Variants in GTF2B observed in about 807,000 individuals in gnomAD.
GTF2B encodes transcription initiation factor IIB.
GTF2B carries 20 observed loss-of-function variants against 34.6 expected under a neutral mutation model. The ratio of observed to expected loss-of-function variants is 0.58; its 90% CI spans 0.41 to 0.84. The LOEUF (loss-of-function observed/expected upper bound fraction) is 0.84, where lower values mean the gene tolerates loss of function less well. GTF2B is among the 40% of genes least tolerant of loss of function. The pLI is 0.00. For synonymous variants in GTF2B, 142 were observed against 132.4 expected (o/e 1.07, Z -0.50); for missense variants, 237 against 393.3 (o/e 0.60, Z 3.36).
chr1:88,874,321 T>C (rs1037757506), intron 2 of GTF2B, among the ~76,000 whole-genome samples: 1 of 151,830 alleles, frequency 6.6e-6, no homozygotes, highest in African/African-American at 2.4e-5. Flanking sequence ...AAAATTTTGT[T>C]TTATTTTTTG....
chr1:88,885,991 G>A lies in GTF2B; in HGVS notation c.124+1270C>T, dbSNP rs187145808. ...AGCCAGTCTTCTAGACTACCTAAACGTCAGTTTCCTTATCTGTAAAATGAA... is the reference window on the plus strand; with the variant it reads ...AGCCAGTCTTCTAGACTACCTAAACATCAGTTTCCTTATCTGTAAAATGAA... On this transcript the variant is annotated intron_variant, in intron 2 of 6. Transcript: ENST00000370500. Among the ~76,000 whole-genome samples the A allele has an allele frequency of 3.4e-3, 520 of 152,082 alleles. 4 individuals carry two copies. The highest frequency in any genetic ancestry group is 0.012 in the African/African-American group (500 of 41,492).
At chr1:88,873,081 T>A (rs1673735449) in intron 2 of GTF2B, among the ~76,000 whole-genome samples, 1 of 151,318 alleles carries the variant, frequency 6.6e-6, no homozygotes, top group South Asian at 2.1e-4. Flanking sequence ...TCTTCCAACA[T>A]CACTAACACC....
intron 2 of GTF2B, 81 bp from the exon 3 acceptor site, chr1:88,864,195 AT>A: frequency 7.8e-7 from 1 of 1,280,798 alleles, no homozygotes; most frequent in Non-Finnish European, 1.1e-6. Context: ...CAACTAAGCC[AT>A]TTTATTCCCA....
chr1:88,881,054 T>C (rs1037597630), intron 2 of GTF2B, among the ~76,000 whole-genome samples: 2 of 144,658 alleles, frequency 1.4e-5, no homozygotes, highest in African/African-American at 5.2e-5. Context: ...GTACAATTGG[T>C]CAGACATGCC....
intron 1 of GTF2B, among the ~76,000 whole-genome samples, chr1:88,889,595 C>T (rs1033564430): frequency 6.6e-6 from 1 of 152,250 alleles, no homozygotes; most frequent in African/African-American, 2.4e-5. Context: ...TGCCTGAAGT[C>T]ATGGAACTAA....
chr1:88,862,649 A>T (rs1439858008), intron 3 of GTF2B, among the ~76,000 whole-genome samples: 1 of 151,780 alleles, frequency 6.6e-6, no homozygotes, highest in Non-Finnish European at 1.5e-5. Flanking sequence ...GGAGTTCAAG[A>T]CCTGCCTGGA....
chr1:88,860,360 A>G, intron 3 of GTF2B, 74 bp from the exon 4 acceptor site: 1 of 1,038,096 alleles, frequency 9.6e-7, no homozygotes, highest in Admixed American at 2.0e-5. Context: ...ATGAAAATAT[A>G]GCTTACAAGA....
rs185497043 is a variant in GTF2B at position 88,890,320 on chromosome 1, A to G, written c.17+1163T>C. On this transcript the variant is annotated intron_variant, in intron 1 of 6. Transcript: ENST00000370500. ...ATCAGAATCAGTAAACAAGAGTGTC[A>G]CTGGCTTTATGAGTTCTGTTCAAAC... Among the ~76,000 whole-genome samples, 5 of 152,328 alleles carry G rather than the reference A, an allele frequency of 3.3e-5. No homozygotes were observed. The East Asian group carries it at 7.7e-4, about 23-fold the overall frequency.
At chr1:88,883,748 C>G (rs1440947081) in intron 2 of GTF2B, among the ~76,000 whole-genome samples, 1 of 152,106 alleles carries the variant, frequency 6.6e-6, no homozygotes, top group Non-Finnish European at 1.5e-5. Flanking sequence ...TTAAATAACA[C>G]AAGGTAGATT....
At chr1:88,881,717 A>G (rs1430359547) in intron 2 of GTF2B, among the ~76,000 whole-genome samples, 2 of 152,244 alleles carry the variant, frequency 1.3e-5, no homozygotes, top group Non-Finnish European at 2.9e-5. Context: ...TCAGTATCAA[A>G]AAGAAATACT....
chr1:88,860,276 G>T lies in GTF2B; in HGVS notation c.269C>A (p.Ala90Asp). 1 of 1,613,748 alleles carries T rather than the reference G, an allele frequency of 6.2e-7. No individual in the cohort carries two copies. Among genetic ancestry groups the T allele is most frequent in the Non-Finnish European group, 8.5e-7 (1 of 1,179,816 alleles). ...LSTMIGKGTG[A>D]ASFDEFGNSK... ...ATTGCCAAATTCGTCAAAACTTGCA[G>T]CTCCTGTGCCCTATAAAACAGTTTT... The change falls in exon 4 of 7, where the codon GCT (alanine) becomes GAT (aspartate). Residue 90 changes from alanine (A) to aspartate (D), a missense_variant. Transcript: ENST00000370500.
rs555241675 is a variant in GTF2B, at chr1:88,852,881, G to A, written c.*332C>T. ...TCAGCTTTATTAGCTGCAATGATTT[G>A]CATTATTTGTAATTATGTATCATAA... On this transcript the variant is annotated 3_prime_UTR_variant, in exon 7 of 7. Transcript: ENST00000370500. The A allele has an allele frequency of 4.9e-4, 111 of 227,724 alleles. No homozygotes were observed. Among genetic ancestry groups the A allele is most frequent in the African/African-American group, 1.9e-3 (84 of 43,146 alleles). The allele number at this position is 227,724 out of a possible 1,614,324, so 14.1% of individuals were successfully genotyped here.
Position 88,868,076 on chromosome 1 carries a change from T to C in GTF2B, c.125-3962A>G, listed in dbSNP as rs949072809. ...GTAACAAGAAACAGGGCAAGTCCAT[T>C]CAGAAAAAATTAGAACACATAAAGA... On this transcript the variant is annotated intron_variant, in intron 2 of 6. Coordinates refer to ENST00000370500, the MANE Select transcript of GTF2B (RefSeq NM_001514.6). Among the ~76,000 whole-genome samples the C allele has an allele frequency of 3.3e-5, 5 of 152,204 alleles. No individual in the cohort carries two copies. In the East Asian group the frequency reaches 5.8e-4, roughly 18 times the overall value.
intron 2 of GTF2B, among the ~76,000 whole-genome samples, chr1:88,876,477 G>C (rs946666029): frequency 2.0e-5 from 3 of 152,166 alleles, no homozygotes; most frequent in African/African-American, 7.2e-5. Context: ...TTCGAGATCA[G>C]CCTGGGCAAC....
At chr1:88,882,120 G>A (rs1027419822) in intron 2 of GTF2B, among the ~76,000 whole-genome samples, 1 of 151,952 alleles carries the variant, frequency 6.6e-6, no homozygotes, top group African/African-American at 2.4e-5. Flanking sequence ...AACTAGCCTG[G>A]ACAACGTGGT....
At chr1:88,854,407 T>A (rs1261110752) in intron 6 of GTF2B, among the ~76,000 whole-genome samples, 2 of 152,246 alleles carry the variant, frequency 1.3e-5, no homozygotes, top group Non-Finnish European at 2.9e-5. Context: ...TGTCCCTTTT[T>A]TCCTTTCAAA....
chr1:88,855,550 G>C (rs893769354), intron 6 of GTF2B, among the ~76,000 whole-genome samples: 1 of 151,872 alleles, frequency 6.6e-6, no homozygotes, highest in Non-Finnish European at 1.5e-5. Context: ...ATGGGGTTTT[G>C]CCATGTTGGC....
At chr1:88,861,220 C>G (rs2100964922) in intron 3 of GTF2B, among the ~76,000 whole-genome samples, 1 of 151,318 alleles carries the variant, frequency 6.6e-6, no homozygotes, top group Middle Eastern at 3.4e-3. Context: ...ATGAAGAAAA[C>G]TTTCAAACAT....
chr1:88,879,782 G>A (rs1037604064), intron 2 of GTF2B, among the ~76,000 whole-genome samples: 1 of 151,758 alleles, frequency 6.6e-6, no homozygotes, highest in Non-Finnish European at 1.5e-5. Flanking sequence ...CCAGCTGGGC[G>A]CAGTGCCTCA....
Sources: gnomAD v4.1 joint callset for allele counts (sites outside exome capture counted in the v4.1 genomes callset) on GRCh38, gnomAD v4.1.1 for gene constraint, MANE v1.5 for transcripts, NCBI Gene and HGNC (gene_info 2026-07-23, HGNC 2026-07-21) for gene names.